MYT1: variants seen among roughly 807,000 people sequenced by gnomAD.
MYT1 encodes the protein myelin transcription factor I.
Under a neutral mutation model 123.0 loss-of-function variants are expected in MYT1, and 23 were observed. The observed-to-expected ratio is 0.19, with a 90% CI of 0.13 to 0.26. MYT1 has a LOEUF of 0.26. Among genes scored for constraint, MYT1 ranks in the 10% least tolerant of loss-of-function variants. The pLI, the probability that MYT1 is intolerant of heterozygous loss-of-function variation, is 1.00. For synonymous variants in MYT1, 518 were observed against 575.3 expected (o/e 0.90, Z 1.43); for missense variants, 1,125 against 1,472.5 (o/e 0.76, Z 3.86).
Position 64,205,563 on chromosome 20 carries a change from T to C in MYT1, c.160T>C (p.Cys54Arg), listed in dbSNP as rs1381765667. 1 of 1,613,912 alleles carries C rather than the reference T, an allele frequency of 6.2e-7. No individual in the cohort carries two copies. Among genetic ancestry groups the C allele is most frequent in the African/African-American group, 1.3e-5 (1 of 74,902 alleles). ...KYSRHRSLQSCPLAKKRKLEG... is the reference protein window; with the variant it reads ...KYSRHRSLQSRPLAKKRKLEG... Reference sequence around the variant, plus strand: ...ACTCCTCCCTCCCAGTTTACAGAGCTGCCCCCTGGCCAAGAAGAGGAAGCT... The same window carrying C: ...ACTCCTCCCTCCCAGTTTACAGAGCCGCCCCCTGGCCAAGAAGAGGAAGCT... The change falls in exon 6 of 23, where the codon TGC (cysteine) becomes CGC (arginine). Residue 54 changes from cysteine (C) to arginine (R), a missense_variant. Cys to Arg is a radical substitution (Grantham distance 180). Transcript: ENST00000328439.
At position 64,202,758 on chromosome 20, in the gene MYT1, T is replaced by G. The variant is rs1297735932; in HGVS notation, c.87-2277T>G. On this transcript the variant is annotated intron_variant, in intron 4 of 22. Coordinates refer to ENST00000328439, the MANE Select transcript of MYT1 (RefSeq NM_004535.3). The surrounding 1 kb of genome is among the most constrained non-coding windows in gnomAD (Gnocchi z 5.0). ...TGCAGGATGCCAGCTGAGGGGTGAC[T>G]GTGGGCCACACCCTCTTCCCAGCCT... Among the ~76,000 whole-genome samples the G allele has an allele frequency of 1.3e-5, 2 of 152,202 alleles. No homozygotes were observed. Among genetic ancestry groups the G allele is most frequent in the Non-Finnish European group, 2.9e-5 (2 of 68,034 alleles).
At chr20:64,177,084 A>C (rs1461778552) in intron 1 of MYT1, among the ~76,000 whole-genome samples, 1 of 152,244 alleles carries the variant, frequency 6.6e-6, no homozygotes, top group Non-Finnish European at 1.5e-5. Context: ...TTTGCATATA[A>C]ATGGAAAAGA....
In MYT1 at chr20:64,202,004, TGTCGGGAACCCCTCGC is replaced by T; in HGVS notation, c.86+2085_86+2100del. On this transcript the variant is annotated intron_variant, in intron 4 of 22. Transcript: ENST00000328439. This position sits in a 1 kb window ranked among gnomAD's most constrained non-coding sequence, Gnocchi z 5.0. ...CCCCCGCGTGTCGGGAACCCCCGCG[TGTCGGGAACCCCTCGC>T]GTGTCGGGAACCCCCGCGTGTCGGG... 8.0e-6 allele frequency among the ~76,000 whole-genome samples: 1 copy of T among 124,268 alleles called. No individual in the cohort carries two copies. The highest frequency in any genetic ancestry group is 1.9e-5 in the Non-Finnish European group (1 of 52,498). 81.5% of individuals were successfully genotyped at this position (124,268 alleles called of 152,430 possible).
At chr20:64,216,286 A>G (rs1035671429) in intron 10 of MYT1, among the ~76,000 whole-genome samples, 58 of 152,202 alleles carry the variant, frequency 3.8e-4, no homozygotes, top group African/African-American at 1.3e-3. Context: ...CCAGGTTCAG[A>G]AGCTCCTCTG....
chr20:64,235,353 A>C (rs1214203625), intron 19 of MYT1, among the ~76,000 whole-genome samples: 14 of 94,166 alleles, frequency 1.5e-4, no homozygotes, highest in South Asian at 4.2e-4. Context: ...TGACCCTGGG[A>C]TGGCCGTTGT....
intron 1 of MYT1, among the ~76,000 whole-genome samples, chr20:64,180,001 CCA>C (rs1216142289): frequency 1.1e-4 from 16 of 147,642 alleles, no homozygotes; most frequent in Admixed American, 3.4e-4. Context: ...CACACATACG[CCA>C]CACACGCTAC....
intron 1 of MYT1, among the ~76,000 whole-genome samples, chr20:64,170,074 C>A (rs985872620): frequency 6.6e-6 from 1 of 151,960 alleles, no homozygotes; most frequent in Non-Finnish European, 1.5e-5. Context: ...TGGGACATAT[C>A]TAGAGCCTGT....
intron 21 of MYT1, among the ~76,000 whole-genome samples, chr20:64,238,050 A>G (rs1185442308): frequency 1.3e-5 from 2 of 152,300 alleles, no homozygotes; most frequent in African/African-American, 4.8e-5. Flanking sequence ...TTAGGATTAC[A>G]AATTATTTTA....
At chr20:64,205,868 G>T in intron 6 of MYT1, 68 bp downstream of exon 6, 1 of 1,575,666 alleles carries the variant, frequency 6.3e-7, no homozygotes, top group Non-Finnish European at 8.6e-7. Context: ...TGCAGCCTGT[G>T]AGCGGGGAGG....
At chr20:64,187,826 C>G (rs1982857658) in intron 1 of MYT1, among the ~76,000 whole-genome samples, 2 of 152,210 alleles carry the variant, frequency 1.3e-5, no homozygotes, top group South Asian at 4.1e-4. Flanking sequence ...AAAGGAGGGT[C>G]TACGCTTGGG....
At chr20:64,239,299 G>T (rs948664447) in intron 21 of MYT1, among the ~76,000 whole-genome samples, 1 of 151,802 alleles carries the variant, frequency 6.6e-6, no homozygotes, top group African/African-American at 2.4e-5. Flanking sequence ...GACACTCCAC[G>T]GGGGGGTGCA....
intron 1 of MYT1, among the ~76,000 whole-genome samples, chr20:64,178,109 A>G (rs1982523227): frequency 6.6e-6 from 1 of 152,204 alleles, no homozygotes; most frequent in Admixed American, 6.5e-5. Flanking sequence ...CTCTTCACAG[A>G]GGCCTCCACT....
At chr20:64,214,316 C>T (rs529547553) in intron 10 of MYT1, among the ~76,000 whole-genome samples, 16 of 151,248 alleles carry the variant, frequency 1.1e-4, no homozygotes, top group African/African-American at 3.4e-4. Context: ...CACGTGGGAG[C>T]GTGTGTGTGC....
At chr20:64,211,015 C>G (rs368998666) in intron 7 of MYT1, among the ~76,000 whole-genome samples, 191 bp from the exon 8 acceptor site, 1 of 152,246 alleles carries the variant, frequency 6.6e-6, no homozygotes, top group Non-Finnish European at 1.5e-5. Context: ...GGCTTCCGCA[C>G]AGGCAGCCAG....
At chr20:64,169,966 C>T (rs1178460258) in intron 1 of MYT1, among the ~76,000 whole-genome samples, 1 of 152,100 alleles carries the variant, frequency 6.6e-6, no homozygotes, top group Non-Finnish European at 1.5e-5. Context: ...CCCACCCAGC[C>T]CCACCCAGCC....
chr20:64,169,785 G>A (rs1028431066), intron 1 of MYT1, among the ~76,000 whole-genome samples: 2 of 152,312 alleles, frequency 1.3e-5, no homozygotes, highest in African/African-American at 4.8e-5. Context: ...GGTCGTAAGG[G>A]GCAGAGAAAC....
chr20:64,206,411 C>T (rs767523318), intron 6 of MYT1, among the ~76,000 whole-genome samples: 1 of 152,218 alleles, frequency 6.6e-6, no homozygotes, highest in Non-Finnish European at 1.5e-5. Context: ...TGTTGGAGCT[C>T]CTAGCCCTTG....
At chr20:64,229,862 A>G (rs1400990653) in intron 18 of MYT1, among the ~76,000 whole-genome samples, 1 of 152,188 alleles carries the variant, frequency 6.6e-6, no homozygotes, top group East Asian at 1.9e-4. Context: ...AGGTTCCAGC[A>G]TGGGAGTCAA....
chr20:64,222,989 G>GGGCC (rs1212671310), intron 14 of MYT1, 122 bp from the exon 15 acceptor site: 1 of 1,025,094 alleles, frequency 9.8e-7, no homozygotes, highest in Non-Finnish European at 1.5e-6. Flanking sequence ...AGTGGAGGAG[G>GGGCC]GGCCACCGCT....
Sources: allele counts gnomAD v4.1 joint callset (sites outside exome capture counted in the v4.1 genomes callset), GRCh38; gene constraint gnomAD v4.1.1; non-coding constraint Gnocchi (gnomAD v3.1); transcripts MANE v1.5; gene names NCBI Gene and HGNC (gene_info 2026-07-23, HGNC 2026-07-21).